PEX11A: variants seen among roughly 807,000 people sequenced by gnomAD.
PEX11A encodes peroxisomal biogenesis factor 11 alpha.
In PEX11A, 13 loss-of-function variants were observed where a neutral mutation model predicts 14.4. That is an observed-to-expected ratio of 0.90 (90% confidence interval 0.59 to 1.43). PEX11A has a LOEUF of 1.43. Ranked by LOEUF, PEX11A falls within the 40% of genes most tolerant of loss-of-function variation. PEX11A has a pLI of 0.00. For synonymous variants in PEX11A, 101 were observed against 113.0 expected, an observed-to-expected ratio of 0.89 and a Z score of 0.67; for missense variants, 290 against 302.8, an observed-to-expected ratio of 0.96 and a Z score of 0.31.
At position 89,683,578 on chromosome 15, in the gene PEX11A, T is replaced by A. The variant is rs765954073; in HGVS notation, c.543A>T (p.Leu181=). The part of the protein sequence containing the change: ...EEETEWLQSF[L]LLLFRSLKQH... ...GCTTCAGAGATCGGAATAAAAGAAG[T>A]AGAAAGGATTGGAGCCATTCTGTTT... The change falls in exon 3 of 3, where the codon CTA becomes CTT. Residue 181 remains leucine, a synonymous_variant. Transcript: ENST00000300056. 8.7e-6 allele frequency: 14 copies of A among 1,613,982 alleles called. No individual in the cohort carries two copies. In the African/African-American group the frequency reaches 1.9e-4, roughly 22 times the overall value.
In PEX11A at chr15:89,682,320, T is replaced by C. The variant is rs1472504506; in HGVS notation, c.*1057A>G. 1 of 152,170 alleles carries C rather than the reference T, an allele frequency of 6.6e-6. No homozygotes were observed. Among genetic ancestry groups the C allele is most frequent in the Non-Finnish European group, 1.5e-5 (1 of 68,078 alleles). The allele number at this position is 152,170 out of a possible 1,614,324, so 9.4% of individuals were successfully genotyped here. A position where few individuals can be genotyped will look rare whatever the true frequency, so the allele number is the denominator to read the frequency against. The stretch of plus-strand genomic sequence containing the variant: ...TCCAGAGTATCTGGGACTACAGGCA[T>C]ACTCCACCATGCCTGGCTAATTTTT... On this transcript the variant is annotated 3_prime_UTR_variant, in exon 3 of 3. Coordinates refer to ENST00000300056, the MANE Select transcript of PEX11A (RefSeq NM_003847.3).
chr15:89,683,686 C>T lies in PEX11A; in HGVS notation c.435G>A (p.Gln145=), dbSNP rs1319182823. Reference sequence around the variant, plus strand: ...CCCTGTCACATGTAACTCGTTTCATCTGCAGGGAGATTTCATACAGATCCC... The same window carrying T: ...CCCTGTCACATGTAACTCGTTTCATTTGCAGGGAGATTTCATACAGATCCC... ...LVRDLYEISL[Q]MKRVTCDRAK... The change falls in exon 3 of 3, where the codon CAG becomes CAA. Residue 145 remains glutamine, a synonymous_variant. Coordinates refer to ENST00000300056, the MANE Select transcript of PEX11A (RefSeq NM_003847.3). 1 of 1,614,100 alleles carries T rather than the reference C, an allele frequency of 6.2e-7. No individual in the cohort carries two copies. Among genetic ancestry groups the T allele is most frequent in the Non-Finnish European group, 8.5e-7 (1 of 1,180,016 alleles).
chr15:89,684,908 G>C lies in PEX11A; in HGVS notation c.173-960C>G, dbSNP rs79627206. ...TCAGAAAACTTATAATCTCAGAAGGGGCTGGGCGCGGTGGCTTACGCCTGT... is the reference window on the plus strand; with the variant it reads ...TCAGAAAACTTATAATCTCAGAAGGCGCTGGGCGCGGTGGCTTACGCCTGT... On this transcript the variant is annotated intron_variant, in intron 2 of 2. Coordinates refer to ENST00000300056, the MANE Select transcript of PEX11A (RefSeq NM_003847.3). Among the ~76,000 whole-genome samples the C allele has an allele frequency of 3.1e-3, 469 of 152,184 alleles. 2 individuals are homozygous for C. Among genetic ancestry groups the C allele is most frequent in the African/African-American group, 0.011 (452 of 41,510 alleles).
intron 2 of PEX11A, among the ~76,000 whole-genome samples, chr15:89,684,859 G>C (rs988169174): frequency 3.3e-5 from 5 of 152,126 alleles, no homozygotes; most frequent in Admixed American, 6.5e-5. Flanking sequence ...CTTAGACTCA[G>C]GAGGTGCTCA....
Position 89,689,451 on chromosome 15 carries a change from A to T in PEX11A, c.56+1126T>A. Among the ~76,000 whole-genome samples the T allele has an allele frequency of 1.3e-5, 2 of 152,250 alleles. 1 individual carries two copies. On this transcript the variant is annotated intron_variant, in intron 1 of 2. Coordinates refer to ENST00000300056, the MANE Select transcript of PEX11A (RefSeq NM_003847.3). ...TTTGTATCAGCACTTGCACACCCAG[A>T]AGAGAATGCAGAGCTGTTAAATAAA... is the stretch of plus-strand genomic sequence containing the variant.
At chr15:89,683,988 A>G (rs758824800) in intron 2 of PEX11A, 40 bp from the exon 3 acceptor site, 1 of 1,355,726 alleles carries the variant, frequency 7.4e-7, no homozygotes, top group African/African-American at 1.4e-5. Context: ...TTATTTCATT[A>G]GTACACAACA....
chr15:89,683,982 T>C (rs1964640270), intron 2 of PEX11A, 34 bp from the exon 3 acceptor site: 1 of 1,417,370 alleles, frequency 7.1e-7, no homozygotes, highest in Non-Finnish European at 9.8e-7. Context: ...GAACAGTTAT[T>C]TCATTAGTAC....
intron 1 of PEX11A, among the ~76,000 whole-genome samples, chr15:89,689,009 C>G (rs532009349): frequency 6.6e-6 from 1 of 152,322 alleles, no homozygotes; most frequent in African/African-American, 2.4e-5. Context: ...CCACTGCACC[C>G]GGCCTAAATG....
rs368037375 is a variant in PEX11A at position 89,683,762 on chromosome 15, C to T, written c.359G>A (p.Arg120Gln). The change falls in exon 3 of 3, where the codon CGA (arginine) becomes CAA (glutamine). Residue 120 changes from arginine to glutamine, a missense_variant. Physicochemically the swap from Arg to Gln is conservative, Grantham distance 43. Transcript: ENST00000300056. The stretch of plus-strand genomic sequence containing the variant: ...GTAGTAGTGGTGAGCAGCCCTCGTT[C>T]GCCATTTCTCTTTGTTGATGCCAGA... ...LTSGINKEKW[R>Q]TRAAHHYYYS... is the part of the protein sequence containing the mutation. 1.1e-4 allele frequency: 173 copies of T among 1,614,158 alleles called. No individual in the cohort carries two copies. The highest frequency in any genetic ancestry group is 1.6e-4 in the Middle Eastern group (1 of 6,062).
chr15:89,689,121 T>G (rs1186375988), intron 1 of PEX11A, among the ~76,000 whole-genome samples: 1 of 152,230 alleles, frequency 6.6e-6, no homozygotes, highest in African/African-American at 2.4e-5. Context: ...TTAATGAAGC[T>G]TGTATATAAA....
chr15:89,690,542 G>A (rs1287807721), intron 1 of PEX11A, 35 bp downstream of exon 1: 3 of 1,524,214 alleles, frequency 2.0e-6, no homozygotes, highest in Non-Finnish European at 2.7e-6. Context: ...GAGTTAGGGC[G>A]AGAAAGGGGC....
Position 89,683,331 on chromosome 15 carries a change from G to A in PEX11A, c.*46C>T. 7.8e-7 allele frequency: 1 copy of A among 1,287,050 alleles called. No homozygotes were observed. The highest frequency in any genetic ancestry group is 1.1e-6 in the Non-Finnish European group (1 of 911,240). 79.7% of individuals were successfully genotyped at this position (1,287,050 alleles called of 1,614,324 possible). ...CTTATACAAATGTCTGTCCCACCAAGAGGCCATCTTTTAAAGTAGGTACTA... is the reference window on the plus strand; with the variant it reads ...CTTATACAAATGTCTGTCCCACCAAAAGGCCATCTTTTAAAGTAGGTACTA... On this transcript the variant is annotated 3_prime_UTR_variant, in exon 3 of 3. Coordinates refer to ENST00000300056, the MANE Select transcript of PEX11A (RefSeq NM_003847.3).
At chr15:89,685,608 C>T (rs1237531554) in intron 2 of PEX11A, among the ~76,000 whole-genome samples, 1 of 151,972 alleles carries the variant, frequency 6.6e-6, no homozygotes, top group Non-Finnish European at 1.5e-5. Flanking sequence ...AAACTCTCTT[C>T]TTCCTTCTCT....
In PEX11A at chr15:89,683,876, G is replaced by C; in HGVS notation, c.245C>G (p.Pro82Arg). 1.9e-6 allele frequency: 3 copies of C among 1,614,000 alleles called. No homozygotes were observed. The highest frequency in any genetic ancestry group is 1.1e-5 in the South Asian group (1 of 91,090). ...EQSIHATDLV[P>R]RLCLTLANLN... ...GTTGGCTAATGTTAAGCATAAGCGAGGTACCAGGTCAGTGGCATGAATGCT... is the reference window on the plus strand; with the variant it reads ...GTTGGCTAATGTTAAGCATAAGCGACGTACCAGGTCAGTGGCATGAATGCT... Residue 82 changes from proline to arginine, a missense_variant, in exon 3 of 3, where the codon CCT becomes CGT. Transcript: ENST00000300056.
At chr15:89,688,323 G>C (rs1477811867) in intron 1 of PEX11A, 1 of 311,814 alleles carries the variant, frequency 3.2e-6, no homozygotes, top group African/African-American at 2.2e-5. Flanking sequence ...AGGTTATACA[G>C]ATCATCAAGG....
At position 89,683,166 on chromosome 15, in the gene PEX11A, C is replaced by A. The variant is rs1596047450; in HGVS notation, c.*211G>T. 35 of 531,274 alleles carry A rather than the reference C, an allele frequency of 6.6e-5. No homozygotes were observed. In the East Asian group the frequency reaches 1.0e-3, roughly 16 times the overall value. 32.9% of individuals were successfully genotyped at this position (531,274 alleles called of 1,614,324 possible). On this transcript the variant is annotated 3_prime_UTR_variant, in exon 3 of 3. Coordinates refer to ENST00000300056, the MANE Select transcript of PEX11A (RefSeq NM_003847.3). ...TGAAGGGAAAATATTCAGAAATTCA[C>A]AAGTCACTCCAGCACTCCAAAAACA...
chr15:89,683,434 G>C lies in PEX11A; in HGVS notation c.687C>G (p.Ser229=), dbSNP rs1964626218. Reference sequence around the variant, plus strand: ...CCACAGTGATCATGCCTGCTATAGAGGACACAAGACCTCCAAGTCCAATGA... The same window carrying C: ...CCACAGTGATCATGCCTGCTATAGACGACACAAGACCTCCAAGTCCAATGA... The part of the protein sequence containing the change: ...PGIIGLGGLV[S]SIAGMITVAY... The change falls in exon 3 of 3, where the codon TCC becomes TCG. Residue 229 remains serine, a synonymous_variant. Coordinates refer to ENST00000300056, the MANE Select transcript of PEX11A (RefSeq NM_003847.3). 6.2e-7 allele frequency: 1 copy of C among 1,613,948 alleles called. No individual in the cohort carries two copies. Among genetic ancestry groups the C allele is most frequent in the African/African-American group, 1.3e-5 (1 of 74,918 alleles).
chr15:89,688,411 G>A (rs368833080), intron 1 of PEX11A, among the ~76,000 whole-genome samples: 6 of 152,028 alleles, frequency 3.9e-5, no homozygotes, highest in East Asian at 3.9e-4. Context: ...ATTATTTTTC[G>A]AGACAGAGTC....
chr15:89,683,921 G>C lies in PEX11A; in HGVS notation c.200C>G (p.Ala67Gly). The change falls in exon 3 of 3, where the codon GCT becomes GGT. Residue 67 changes from alanine (A) to glycine (G), a missense_variant. Transcript: ENST00000300056. ...AATGCTCTGCTCAGTTGCCTGTATAGCATGTACCACATTGCCTAGTCTGAA... is the reference window on the plus strand; with the variant it reads ...AATGCTCTGCTCAGTTGCCTGTATACCATGTACCACATTGCCTAGTCTGAA... ...KWFRLGNVVHAIQATEQSIHA... is the reference protein window; with the variant it reads ...KWFRLGNVVHGIQATEQSIHA... 1 of 1,613,286 alleles carries C rather than the reference G, an allele frequency of 6.2e-7. No individual in the cohort carries two copies. The highest frequency in any genetic ancestry group is 8.5e-7 in the Non-Finnish European group (1 of 1,179,350).
Sources: allele counts gnomAD v4.1 joint callset (sites outside exome capture counted in the v4.1 genomes callset), GRCh38; gene constraint gnomAD v4.1.1; transcripts MANE v1.5; gene names NCBI Gene and HGNC (gene_info 2026-07-23, HGNC 2026-07-21).